The following KANK1 variants were observed in gnomAD, a reference collection of about 807,000 sequenced individuals.
KANK1 encodes KN motif and ankyrin repeat domain-containing protein 1.
KANK1 carries 109 observed loss-of-function variants against 106.2 expected under a neutral mutation model. The observed-to-expected ratio is 1.03, with a 90% CI of 0.88 to 1.20. The LOEUF (loss-of-function observed/expected upper bound fraction) is 1.20, where lower values mean the gene tolerates loss of function less well. KANK1 is among the 50% of genes most tolerant of loss of function. The pLI, the probability that KANK1 is intolerant of heterozygous loss-of-function variation, is 0.00. For missense variants in KANK1, 2,399 were observed against 1,710.7 expected, an observed-to-expected ratio of 1.40 and a Z score of -7.10; for synonymous variants, 873 against 652.2, an observed-to-expected ratio of 1.34 and a Z score of -5.16.
At chr9:662,911 C>T (rs971887019) in intron 1 of KANK1, among the ~76,000 whole-genome samples, 2 of 152,194 alleles carry the variant, frequency 1.3e-5, no homozygotes, top group South Asian at 2.1e-4. Context: ...ATCCACCCAC[C>T]TTGGCCTCCC....
intron 1 of KANK1, among the ~76,000 whole-genome samples, chr9:551,261 C>T (rs1229078733): frequency 1.3e-5 from 2 of 151,390 alleles, no homozygotes; most frequent in African/African-American, 2.4e-5. Context: ...TGCCTGTTTC[C>T]CTCTTTTTGT....
intron 1 of KANK1, among the ~76,000 whole-genome samples, chr9:666,057 T>C (rs976126079): frequency 6.6e-6 from 1 of 152,022 alleles, no homozygotes; most frequent in Admixed American, 6.6e-5. Flanking sequence ...GGCATGTGCC[T>C]GTGGTTGCAG....
chr9:739,874 A>G (rs894448796), intron 8 of KANK1, among the ~76,000 whole-genome samples: 1 of 151,954 alleles, frequency 6.6e-6, no homozygotes, highest in African/African-American at 2.4e-5. Flanking sequence ...CCGAGGTGCT[A>G]AGGAGCCCCG....
At chr9:521,456 C>G (rs565502983) in intron 1 of KANK1, among the ~76,000 whole-genome samples, 4 of 151,752 alleles carry the variant, frequency 2.6e-5, no homozygotes, top group African/African-American at 9.7e-5. Context: ...AGCTCTTAAC[C>G]TGCTTCCAGC....
In KANK1 at chr9:734,811, C is replaced by CA. The variant is rs1833324449; in HGVS notation, c.3312dup (p.Ala1105SerfsTer40). Reference sequence around the variant, plus strand: ...TACTGAAAAATACTATAAATGACCCCAAAGCTTTGACCAGCAAAGATATGG... The same window carrying CA: ...TACTGAAAAATACTATAAATGACCCCAAAAGCTTTGACCAGCAAAGATATGG... On this transcript the variant is annotated frameshift_variant, in exon 7 of 12. Transcript: ENST00000382297. LOFTEE classifies it high-confidence loss of function. 6.2e-7 allele frequency: 1 copy of CA among 1,613,374 alleles called. No homozygotes were observed. The highest frequency in any genetic ancestry group is 8.5e-7 in the Non-Finnish European group (1 of 1,179,452).
At chr9:525,771 T>G (rs1165774577) in intron 1 of KANK1, among the ~76,000 whole-genome samples, 1 of 151,600 alleles carries the variant, frequency 6.6e-6, no homozygotes, top group Non-Finnish European at 1.5e-5. Flanking sequence ...TATAGGAGAA[T>G]AAGCAGCAAA....
chr9:539,337 G>A (rs955445338), intron 1 of KANK1, among the ~76,000 whole-genome samples: 10 of 152,210 alleles, frequency 6.6e-5, no homozygotes, highest in African/African-American at 2.4e-4. Context: ...GTCACTTCGG[G>A]GAGTATGAAC....
intron 1 of KANK1, among the ~76,000 whole-genome samples, chr9:530,968 T>C (rs2060030246): frequency 6.6e-6 from 1 of 151,666 alleles, no homozygotes; most frequent in Non-Finnish European, 1.5e-5. Context: ...TAAAATAAAA[T>C]AATTTTAAAA....
intron 5 of KANK1, 101 bp downstream of exon 5, chr9:731,367 G>T: frequency 1.6e-6 from 1 of 636,864 alleles, no homozygotes; most frequent in South Asian, 1.9e-5. Context: ...CGGCCACAGC[G>T]CAGTGATGAA....
rs142877084 is a variant in KANK1, at chr9:742,489, G to A, written c.3897+84G>A. The A allele has an allele frequency of 1.4e-3, 1,452 of 1,018,252 alleles. 1 individual carries two copies. The highest frequency in any genetic ancestry group is 1.8e-3 in the Non-Finnish European group (1,275 of 694,246). 63.1% of individuals were successfully genotyped at this position (1,018,252 alleles called of 1,614,324 possible). A position where few individuals can be genotyped will look rare whatever the true frequency, so the allele number is the denominator to read the frequency against. On this transcript the variant is annotated intron_variant, in intron 10 of 11. Transcript: ENST00000382297. ...CTGGGAGTGCCTTTTGGCCAGGAGC[G>A]ACCAAATCCTCCTCTATTCTCCTCT...
At chr9:502,602 C>T (rs1264975675), upstream of KANK1, among the ~76,000 whole-genome samples, 3 of 151,680 alleles carry the variant, frequency 2.0e-5, no homozygotes, top group Non-Finnish European at 2.9e-5. Context: ...CGGCTCACTG[C>T]AACCTCAGCT....
intron 1 of KANK1, among the ~76,000 whole-genome samples, chr9:636,217 G>T (rs577632779): frequency 1.1e-4 from 16 of 152,256 alleles, no homozygotes; most frequent in Non-Finnish European, 5.9e-5. Context: ...TGGCGGCCAG[G>T]TTGAGAGCTC....
chr9:669,218 G>A (rs1340078377), intron 1 of KANK1, among the ~76,000 whole-genome samples: 1 of 152,102 alleles, frequency 6.6e-6, no homozygotes, highest in Non-Finnish European at 1.5e-5. Flanking sequence ...TGTCATACTA[G>A]AATTATGGGT....
At chr9:731,038 C>G (rs181829272) in intron 4 of KANK1, 120 bp from the exon 5 acceptor site, 11 of 469,454 alleles carry the variant, frequency 2.3e-5, no homozygotes, top group Non-Finnish European at 3.8e-5. Flanking sequence ...GTGGAAACTT[C>G]TCACATATAT....
intron 1 of KANK1, among the ~76,000 whole-genome samples, chr9:588,017 G>T (rs995731671): frequency 1.3e-5 from 2 of 151,524 alleles, no homozygotes; most frequent in African/African-American, 4.9e-5. Context: ...ATTGTGCTGA[G>T]ATTGCACCAT....
At chr9:557,465 A>T (rs938572197) in intron 1 of KANK1, among the ~76,000 whole-genome samples, 1 of 152,224 alleles carries the variant, frequency 6.6e-6, no homozygotes, top group Admixed American at 6.5e-5. Context: ...GTGGAGGTTC[A>T]GGATCCTACC....
At position 711,556 on chromosome 9, in the gene KANK1, C is replaced by T. The variant is rs199762560; in HGVS notation, c.790C>T (p.Arg264Cys). 28 of 1,613,740 alleles carry T rather than the reference C, an allele frequency of 1.7e-5. No homozygotes were observed. Among genetic ancestry groups the T allele is most frequent in the Middle Eastern group, 1.6e-4 (1 of 6,084 alleles). Residue 264 changes from arginine to cysteine, a missense_variant, in exon 3 of 12, where the codon CGC becomes TGC. Arg to Cys is a radical substitution (Grantham distance 180). Transcript: ENST00000382297. ...GAGCCCCATGCACCTGCAGCACATCCGCGAGCAGATGGCCATTGCTCTGAA... is the reference window on the plus strand; with the variant it reads ...GAGCCCCATGCACCTGCAGCACATCTGCGAGCAGATGGCCATTGCTCTGAA... ...NVSPMHLQHI[R>C]EQMAIALKRL...
At chr9:664,828 C>T (rs1483515840) in intron 1 of KANK1, among the ~76,000 whole-genome samples, 2 of 152,156 alleles carry the variant, frequency 1.3e-5, no homozygotes, top group African/African-American at 4.8e-5. Flanking sequence ...TGCATCCTCA[C>T]CAGCATGTTA....
intron 1 of KANK1, among the ~76,000 whole-genome samples, chr9:589,414 GC>G (rs1440592840): frequency 4.6e-5 from 7 of 151,078 alleles, no homozygotes; most frequent in African/African-American, 1.7e-4. Context: ...CTGGAGATTT[GC>G]TGGAAAAGAA....
Sources: allele counts gnomAD v4.1 joint callset (sites outside exome capture counted in the v4.1 genomes callset), GRCh38; gene constraint gnomAD v4.1.1; transcripts MANE v1.5; gene names NCBI Gene and HGNC (gene_info 2026-07-23, HGNC 2026-07-21).